The following HEPACAM2 variants were observed in gnomAD, a reference collection of about 807,000 sequenced individuals.
The protein encoded by HEPACAM2 is HEPACAM family member 2, also known as mitotic kinetics regulator.
In HEPACAM2, 49 loss-of-function variants were observed where a neutral mutation model predicts 49.6. That is an observed-to-expected ratio of 0.99 (90% CI 0.78 to 1.25). The LOEUF (loss-of-function observed/expected upper bound fraction) is 1.25, where lower values mean the gene tolerates loss of function less well. Among genes scored for constraint, HEPACAM2 ranks in the 50% most tolerant of loss-of-function variants. The pLI, the probability that HEPACAM2 is intolerant of heterozygous loss-of-function variation, is 0.00. For missense variants in HEPACAM2, 525 were observed against 557.2 expected (o/e 0.94, Z 0.58); for synonymous variants, 197 against 202.9 (o/e 0.97, Z 0.25).
At chr7:93,201,397 T>C (rs1174164336) in intron 4 of HEPACAM2, among the ~76,000 whole-genome samples, 1 of 152,086 alleles carries the variant, frequency 6.6e-6, no homozygotes, top group Non-Finnish European at 1.5e-5. Flanking sequence ...CTTTGCTCTC[T>C]CCTTTCTTGT....
chr7:93,221,217 G>A (rs932392519), intron 1 of HEPACAM2, among the ~76,000 whole-genome samples: 2 of 152,132 alleles, frequency 1.3e-5, no homozygotes, highest in Non-Finnish European at 2.9e-5. Context: ...AAATCCTTAA[G>A]CAGGTGAGAA....
At chr7:93,226,076 A>G in intron 1 of HEPACAM2, 1 of 539,282 alleles carries the variant, frequency 1.9e-6, no homozygotes, top group Non-Finnish European at 3.2e-6. Flanking sequence ...ACCTATATGT[A>G]AACTCTAAAA....
intron 4 of HEPACAM2, among the ~76,000 whole-genome samples, chr7:93,205,854 C>T (rs1666541279): frequency 6.6e-6 from 1 of 152,080 alleles, no homozygotes; most frequent in Admixed American, 6.6e-5. Context: ...CTAAAAGCCA[C>T]AAAGAGGTCA....
intron 9 of HEPACAM2, 112 bp from the exon 10 acceptor site, chr7:93,189,382 G>A (rs1262365214): frequency 4.8e-6 from 3 of 619,998 alleles, no homozygotes; most frequent in Non-Finnish European, 8.1e-6. Context: ...TTAGAAGAAT[G>A]TTTGGAGCTA....
intron 8 of HEPACAM2, among the ~76,000 whole-genome samples, chr7:93,194,788 T>C (rs2116631058): frequency 6.6e-6 from 1 of 152,240 alleles, no homozygotes; most frequent in South Asian, 2.1e-4. Flanking sequence ...CTTCCTCAAA[T>C]GGACTCTCAT....
chr7:93,195,862 A>C lies in HEPACAM2; in HGVS notation c.1241T>G (p.Phe414Cys). ...ACCAGAAACATCTGGAAAAGCAACA[A>C]ATTCATATATTCCGAAGTCATCCAG... ...DALDDFGIYEFVAFPDVSGVS... is the reference protein window; with the variant it reads ...DALDDFGIYECVAFPDVSGVS... Residue 414 changes from phenylalanine to cysteine, a missense_variant, in exon 8 of 10, where the codon TTT (phenylalanine) becomes TGT (cysteine). By Grantham distance (205) the Phe-to-Cys change is radical. Transcript: ENST00000394468. 1 of 1,613,116 alleles carries C rather than the reference A, an allele frequency of 6.2e-7. No individual in the cohort carries two copies. The highest frequency in any genetic ancestry group is 8.5e-7 in the Non-Finnish European group (1 of 1,179,478).
chr7:93,212,843 T>G (rs1271600904), intron 3 of HEPACAM2, among the ~76,000 whole-genome samples: 1 of 152,034 alleles, frequency 6.6e-6, no homozygotes, highest in Non-Finnish European at 1.5e-5. Context: ...TTGGAGATAT[T>G]TGGAGTGATT....
intron 1 of HEPACAM2, among the ~76,000 whole-genome samples, chr7:93,221,929 A>G (rs530471352): frequency 6.6e-6 from 1 of 152,298 alleles, no homozygotes; most frequent in South Asian, 2.1e-4. Context: ...AAGACTATTA[A>G]ATCTGGAATT....
chr7:93,208,515 G>T, intron 4 of HEPACAM2, 65 bp downstream of exon 4: 1 of 1,337,870 alleles, frequency 7.5e-7, no homozygotes, highest in South Asian at 1.3e-5. Flanking sequence ...TATAAGATAG[G>T]GGAAGTGCAA....
intron 3 of HEPACAM2, among the ~76,000 whole-genome samples, chr7:93,211,884 A>G (rs1324870950): frequency 1.3e-5 from 2 of 152,030 alleles, no homozygotes; most frequent in Admixed American, 6.6e-5. Flanking sequence ...CAGCCACTCA[A>G]TTTAGGTCTT....
intron 9 of HEPACAM2, 96 bp downstream of exon 9, chr7:93,192,158 G>T: frequency 1.3e-6 from 1 of 783,132 alleles, no homozygotes; most frequent in East Asian, 2.6e-5. Context: ...TCTTGTTTTG[G>T]TATTTTTCTT....
At chr7:93,230,270 A>C (rs1318602223), upstream of HEPACAM2, among the ~76,000 whole-genome samples, 1 of 152,220 alleles carries the variant, frequency 6.6e-6, no homozygotes, top group African/African-American at 2.4e-5. Flanking sequence ...TCTGGGTTCT[A>C]GTCCTAGATC....
chr7:93,192,305 G>A lies in HEPACAM2; in HGVS notation c.1334C>T (p.Thr445Ile). The part of the protein sequence containing the change: ...DCVSGQDLHS[T>I]VYEVIQHIPA... ...GATGTGCTGAATAACTTCATACACT[G>A]TACTGTGCAAATCTTGCCCCGATAC... is the stretch of plus-strand genomic sequence containing the variant. Residue 445 changes from threonine (T) to isoleucine (I), a missense_variant, in exon 9 of 10, where the codon ACA (threonine) becomes ATA (isoleucine). Coordinates refer to ENST00000394468, the MANE Select transcript of HEPACAM2 (RefSeq NM_001039372.4). 1.2e-6 allele frequency: 2 copies of A among 1,612,842 alleles called. No homozygotes were observed. Among genetic ancestry groups the A allele is most frequent in the Non-Finnish European group, 1.7e-6 (2 of 1,179,202 alleles).
At chr7:93,219,006 G>A in intron 2 of HEPACAM2, 95 bp downstream of exon 2, 1 of 1,025,808 alleles carries the variant, frequency 9.7e-7, no homozygotes, top group Non-Finnish European at 1.4e-6. Context: ...GCAAAGTTGT[G>A]AAGCCAAGAT....
chr7:93,220,961 T>A (rs1794437991), intron 1 of HEPACAM2, among the ~76,000 whole-genome samples: 1 of 151,290 alleles, frequency 6.6e-6, no homozygotes, highest in Non-Finnish European at 1.5e-5. Context: ...GAGGAGAGAG[T>A]GAGAGAAATT....
In HEPACAM2 at chr7:93,206,083, A is replaced by G. The variant is rs1345762502; in HGVS notation, c.1012+2497T>C. ...GATATTATGAGAATATCTTAGCTAAATATTAATGCAGAAAGTTTAGGCAGT... is the reference window on the plus strand; with the variant it reads ...GATATTATGAGAATATCTTAGCTAAGTATTAATGCAGAAAGTTTAGGCAGT... On this transcript the variant is annotated intron_variant, in intron 4 of 9. Transcript: ENST00000394468. Among the ~76,000 whole-genome samples the G allele has an allele frequency of 2.6e-5, 4 of 152,216 alleles. No homozygotes were observed. The East Asian group carries it at 5.8e-4, about 22-fold the overall frequency.
chr7:93,221,334 T>A (rs1022934684), intron 1 of HEPACAM2, among the ~76,000 whole-genome samples: 1 of 152,224 alleles, frequency 6.6e-6, no homozygotes, highest in African/African-American at 2.4e-5. Flanking sequence ...TTTTCTACAT[T>A]TTTTTGATTT....
intron 4 of HEPACAM2, among the ~76,000 whole-genome samples, chr7:93,202,541 T>C (rs926775611): frequency 5.3e-5 from 8 of 152,130 alleles, no homozygotes; most frequent in African/African-American, 1.9e-4. Context: ...TACGACTTCA[T>C]GTGCTTCAAA....
intron 4 of HEPACAM2, among the ~76,000 whole-genome samples, chr7:93,199,014 G>A (rs1015856197): frequency 5.9e-5 from 9 of 151,860 alleles, no homozygotes; most frequent in East Asian, 3.9e-4. Context: ...CATGGAAATC[G>A]GTTATCTCTT....
Sources: allele counts gnomAD v4.1 joint callset (sites outside exome capture counted in the v4.1 genomes callset), GRCh38; gene constraint gnomAD v4.1.1; transcripts MANE v1.5; gene names NCBI Gene and HGNC (gene_info 2026-07-23, HGNC 2026-07-21).